Variants in POU2F1 observed in about 807,000 individuals in gnomAD.
POU2F1 encodes POU domain, class 2, transcription factor 1.
In POU2F1, 16 loss-of-function variants were observed where a neutral mutation model predicts 84.9. The observed-to-expected ratio is 0.19, with a 90% CI of 0.13 to 0.29. POU2F1 has a LOEUF of 0.29. Ranked by LOEUF, POU2F1 falls within the 10% of genes least tolerant of loss-of-function variation. The probability of loss-of-function intolerance (pLI) is 1.00; values close to 1 mark genes in which losing one functional copy is unlikely to be tolerated. For synonymous variants in POU2F1, 368 were observed against 368.3 expected (o/e 1.00, Z 0.01); for missense variants, 738 against 942.6 (o/e 0.78, Z 2.84).
At chr1:167,397,306 C>T (rs187209142) in intron 10 of POU2F1, among the ~76,000 whole-genome samples, 35 of 152,264 alleles carry the variant, frequency 2.3e-4, no homozygotes, top group African/African-American at 7.0e-4. Flanking sequence ...AGGCCATTTA[C>T]AAGATAAATA....
intron 1 of POU2F1, among the ~76,000 whole-genome samples, chr1:167,234,534 C>T (rs1281800215): frequency 2.0e-5 from 3 of 152,098 alleles, no homozygotes; most frequent in African/African-American, 7.2e-5. Flanking sequence ...GAGTTTGAAA[C>T]TGGCCTGGGC....
At chr1:167,389,874 G>C in intron 9 of POU2F1, 113 bp downstream of exon 9, 1 of 1,209,486 alleles carries the variant, frequency 8.3e-7, no homozygotes. Context: ...AAAATATTTG[G>C]GACGGGGGAC....
rs199797215 is a variant in POU2F1, at chr1:167,343,686, T to A, written c.127+11151T>A. On this transcript the variant is annotated intron_variant, in intron 2 of 15. Coordinates refer to ENST00000367866, the MANE Select transcript of POU2F1 (RefSeq NM_002697.4). ...TTTTTTTTTTTTTTTTTTTTTTTTT[T>A]GAAGGAAGGAAAGGGAGTAATTTAA... 1.4e-4 allele frequency among the ~76,000 whole-genome samples: 11 copies of A among 80,446 alleles called. 1 individual carries two copies. The South Asian group carries it at 1.5e-3, about 11-fold the overall frequency. The allele number at this position is 80,446 out of a possible 152,430, so 52.8% of individuals were successfully genotyped here.
intron 15 of POU2F1, 142 bp downstream of exon 15, chr1:167,413,256 G>A (rs1650091999): frequency 1.4e-6 from 1 of 718,300 alleles, no homozygotes; most frequent in African/African-American, 1.8e-5. Flanking sequence ...GTCAAATGCT[G>A]ACTAACTTGT....
At chr1:167,237,460 A>G (rs1649551156) in intron 1 of POU2F1, among the ~76,000 whole-genome samples, 2 of 152,068 alleles carry the variant, frequency 1.3e-5, no homozygotes, top group Admixed American at 1.3e-4. Flanking sequence ...ATTTTTATCA[A>G]GTAATTTTTG....
At chr1:167,295,323 A>G (rs913372606) in intron 1 of POU2F1, among the ~76,000 whole-genome samples, 20 of 152,208 alleles carry the variant, frequency 1.3e-4, no homozygotes, top group Non-Finnish European at 2.5e-4. Context: ...TGTGATATGT[A>G]TACACCGTGG....
intron 3 of POU2F1, 26 bp from the exon 4 acceptor site, chr1:167,370,135 C>T (rs2101841648): frequency 6.3e-7 from 1 of 1,593,836 alleles, no homozygotes; most frequent in East Asian, 2.2e-5. Flanking sequence ...CAGTATTAAA[C>T]TAGAACTTCC....
chr1:167,362,711 G>C (rs1013843863), intron 2 of POU2F1, among the ~76,000 whole-genome samples: 5 of 152,210 alleles, frequency 3.3e-5, no homozygotes, highest in African/African-American at 9.6e-5. Context: ...CTGTGGGAAA[G>C]TCAGGACAGA....
chr1:167,406,605 T>C (rs995700730), intron 13 of POU2F1, among the ~76,000 whole-genome samples: 1 of 152,116 alleles, frequency 6.6e-6, no homozygotes, highest in African/African-American at 2.4e-5. Flanking sequence ...TCTATATGTA[T>C]AAAAATACTA....
At chr1:167,295,079 G>A (rs1033682191) in intron 1 of POU2F1, among the ~76,000 whole-genome samples, 34 of 151,318 alleles carry the variant, frequency 2.2e-4, no homozygotes, top group Admixed American at 1.8e-3. Flanking sequence ...CCGAGATCAC[G>A]CCACTGCACT....
chr1:167,281,682 G>A (rs1278454794), intron 1 of POU2F1, among the ~76,000 whole-genome samples: 3 of 152,134 alleles, frequency 2.0e-5, no homozygotes, highest in African/African-American at 7.2e-5. Flanking sequence ...TGTAGGCTAC[G>A]GTCTGGTTAC....
chr1:167,278,427 G>T (rs1652888080), intron 1 of POU2F1, among the ~76,000 whole-genome samples: 1 of 152,158 alleles, frequency 6.6e-6, no homozygotes, highest in South Asian at 2.1e-4. Flanking sequence ...CACATGGTAG[G>T]GATTTCATAG....
intron 1 of POU2F1, among the ~76,000 whole-genome samples, chr1:167,263,296 G>A (rs1001671317): frequency 1.3e-5 from 2 of 152,132 alleles, no homozygotes; most frequent in African/African-American, 4.8e-5. Context: ...GAGGCGAGTG[G>A]ATCACCTGAG....
rs1015295005 is a variant in POU2F1 at position 167,421,533 on chromosome 1, C to A, written c.*5723C>A. The A allele has an allele frequency of 3.3e-5, 5 of 152,166 alleles. No individual in the cohort carries two copies. Among genetic ancestry groups the A allele is most frequent in the Non-Finnish European group, 7.4e-5 (5 of 68,018 alleles). The allele number at this position is 152,166 out of a possible 1,614,324, so 9.4% of individuals were successfully genotyped here. A position where few individuals can be genotyped will look rare whatever the true frequency, so the allele number is the denominator to read the frequency against. On this transcript the variant is annotated 3_prime_UTR_variant, in exon 16 of 16. Transcript: ENST00000367866. ...TTTGTAGTTTTCTTCTAACCTTATT[C>A]ATTAAGTAGTTCCTTGTTTTGGCCC...
Position 167,332,524 on chromosome 1 carries a change from A to C in POU2F1, c.116A>C (p.Asp39Ala). Reference protein sequence around the residue: ...ETSKPSMESGDGNTGTQTNGL... With the variant: ...ETSKPSMESGAGNTGTQTNGL... ...AGTAAACCATCTATGGAGAGTGGAG[A>C]TGGCAACACAGGTAAGAGTTTTCTG... Residue 39 changes from aspartate (D) to alanine (A), a missense_variant, in exon 2 of 16, where the codon GAT becomes GCT. Asp to Ala is a moderately radical substitution (Grantham distance 126, BLOSUM62 -2). This residue lies in a region of POU2F1 where 161 missense variants were observed against 147.0 expected (regional missense o/e 1.10). Transcript: ENST00000367866. 6.2e-7 allele frequency: 1 copy of C among 1,604,708 alleles called. No homozygotes were observed. The highest frequency in any genetic ancestry group is 8.5e-7 in the Non-Finnish European group (1 of 1,171,642).
At chr1:167,232,768 G>A (rs978260527) in intron 1 of POU2F1, among the ~76,000 whole-genome samples, 2 of 151,760 alleles carry the variant, frequency 1.3e-5, no homozygotes, top group African/African-American at 4.8e-5. Flanking sequence ...ACTTGAACCC[G>A]TGAAGTGGAG....
intron 1 of POU2F1, among the ~76,000 whole-genome samples, chr1:167,270,401 A>G (rs944028831): frequency 6.6e-6 from 1 of 152,180 alleles, no homozygotes; most frequent in Non-Finnish European, 1.5e-5. Context: ...AGCAGTCTGC[A>G]AGAAGCCTTT....
At chr1:167,328,538 A>G (rs1384826925) in intron 1 of POU2F1, among the ~76,000 whole-genome samples, 1 of 152,206 alleles carries the variant, frequency 6.6e-6, no homozygotes, top group Non-Finnish European at 1.5e-5. Context: ...CATTGTTGCC[A>G]GCAGGAATAA....
intron 1 of POU2F1, among the ~76,000 whole-genome samples, chr1:167,240,700 T>C (rs1376824733): frequency 1.3e-5 from 2 of 152,206 alleles, no homozygotes. Context: ...ATATTTAATA[T>C]ATGCCTTTGG....
Sources: gnomAD v4.1 joint callset for allele counts (sites outside exome capture counted in the v4.1 genomes callset) on GRCh38, gnomAD v4.1.1 for gene constraint, gnomAD v4.1.1 regional missense constraint, MANE v1.5 for transcripts, NCBI Gene and HGNC (gene_info 2026-07-23, HGNC 2026-07-21) for gene names.